ERCC3: variants seen among roughly 807,000 people sequenced by gnomAD.
ERCC3 encodes ERCC excision repair 3, TFIIH core complex helicase subunit.
Under a neutral mutation model 94.2 loss-of-function variants are expected in ERCC3, and 66 were observed. The ratio of observed to expected loss-of-function variants is 0.70; its 90% CI spans 0.57 to 0.86. The LOEUF is 0.86. Ranked by LOEUF, ERCC3 falls within the 40% of genes least tolerant of loss-of-function variation. The pLI is 0.00. For synonymous variants in ERCC3, 349 were observed against 369.1 expected (o/e 0.95, Z 0.63); for missense variants, 829 against 987.1 (o/e 0.84, Z 2.15).
In ERCC3 at chr2:127,257,340, CTTAAATA is replaced by C; in HGVS notation, c.*249_*255del. On this transcript the variant is annotated 3_prime_UTR_variant, in exon 15 of 15. Transcript: ENST00000285398. The surrounding 1 kb of genome is among the most constrained non-coding windows in gnomAD (Gnocchi z 5.4). ...ATTCAGAACGGTAACATAAATACACCTTAAATATTAACATTTTTTATATACAGAAATG... is the reference window on the plus strand; with the variant it reads ...ATTCAGAACGGTAACATAAATACACCTTAACATTTTTTATATACAGAAATG... 1.9e-6 allele frequency: 1 copy of C among 530,822 alleles called. No homozygotes were observed. Among genetic ancestry groups the C allele is most frequent in the South Asian group, 2.1e-5 (1 of 48,698 alleles). The allele number at this position is 530,822 out of a possible 1,614,324, so 32.9% of individuals were successfully genotyped here.
chr2:127,286,652 A>G (rs758641191), intron 8 of ERCC3, 51 bp downstream of exon 8: 1 of 1,572,570 alleles, frequency 6.4e-7, no homozygotes, highest in South Asian at 1.1e-5. Flanking sequence ...TAACAACTGG[A>G]AATTGGTTTG....
Position 127,280,325 on chromosome 2 carries a change from T to G in ERCC3, c.1527+122A>C, listed in dbSNP as rs1684867996. Reference sequence around the variant, plus strand: ...CCACAGGGTGACTGAGGATCCTGTATGAAGTGGTAGCAGGTGAGCCTAAGT... The same window carrying G: ...CCACAGGGTGACTGAGGATCCTGTAGGAAGTGGTAGCAGGTGAGCCTAAGT... On this transcript the variant is annotated intron_variant, in intron 9 of 14. Transcript: ENST00000285398. This position sits in a 1 kb window ranked among gnomAD's most constrained non-coding sequence, Gnocchi z 6.3. 6.9e-6 allele frequency: 6 copies of G among 874,500 alleles called. No homozygotes were observed. The highest frequency in any genetic ancestry group is 9.4e-6 in the Non-Finnish European group (5 of 531,542). The allele number at this position is 874,500 out of a possible 1,614,324, so 54.2% of individuals were successfully genotyped here. A position where few individuals can be genotyped will look rare whatever the true frequency, so the allele number is the denominator to read the frequency against.
chr2:127,274,576 C>T lies in ERCC3; in HGVS notation c.1731-1615G>A, dbSNP rs1684674047. Among the ~76,000 whole-genome samples, 1 of 152,236 alleles carries T rather than the reference C, an allele frequency of 6.6e-6. No homozygotes were observed. Among genetic ancestry groups the T allele is most frequent in the African/African-American group, 2.4e-5 (1 of 41,464 alleles). On this transcript the variant is annotated intron_variant, in intron 10 of 14. Transcript: ENST00000285398. The surrounding 1 kb of genome is among the most constrained non-coding windows in gnomAD (Gnocchi z 4.0). ...GCTGGATAGGGCCTGGGCAGCTGCA[C>T]ACCCAGGCTGATGGCCTCTGATTAG...
rs587778275 is a variant in ERCC3 at position 127,261,296 on chromosome 2, C to T, written c.1996G>A (p.Asp666Asn). ...GTTGAGTAAGCCATTTCCTGTGTGT[C>T]CTGGGATACCAGTGAGTAGAAAAAG... ...NAFFYSLVSQ[D>N]TQEMAYSTKR... Residue 666 changes from aspartate (D) to asparagine (N), a missense_variant, in exon 13 of 15, where the codon GAC becomes AAC. By Grantham distance (23) the Asp-to-Asn change is conservative. Transcript: ENST00000285398. The T allele has an allele frequency of 1.4e-5, 23 of 1,613,648 alleles. No homozygotes were observed. The Admixed American group carries it at 3.8e-4, about 27-fold the overall frequency.
intron 3 of ERCC3, chr2:127,292,331 G>C (rs920768099): frequency 1.9e-6 from 1 of 524,138 alleles, no homozygotes. Context: ...TAGCCCCTCT[G>C]TGTTAATACC....
rs4150461 is a variant in ERCC3 at position 127,279,567 on chromosome 2, G to C, written c.1528-192C>G. 6.6e-6 allele frequency among the ~76,000 whole-genome samples: 1 copy of C among 152,106 alleles called. No homozygotes were observed. Among genetic ancestry groups the C allele is most frequent in the African/African-American group, 2.4e-5 (1 of 41,412 alleles). ...ACTTGAGGCCAGGAGTTCAAGACCAGCCTGGCCAACACAGTGAAACCCAGT... is the reference window on the plus strand; with the variant it reads ...ACTTGAGGCCAGGAGTTCAAGACCACCCTGGCCAACACAGTGAAACCCAGT... On this transcript the variant is annotated intron_variant, in intron 9 of 14. Transcript: ENST00000285398. The surrounding 1 kb of genome is among the most constrained non-coding windows in gnomAD (Gnocchi z 4.7).
chr2:127,283,359 C>T (rs1684975838), intron 8 of ERCC3, among the ~76,000 whole-genome samples: 1 of 152,148 alleles, frequency 6.6e-6, no homozygotes, highest in African/African-American at 2.4e-5. Flanking sequence ...GCTTTTGAGG[C>T]TGACTTCTTT....
At chr2:127,272,213 C>G (rs4150492) in intron 11 of ERCC3, among the ~76,000 whole-genome samples, 27,042 of 151,678 alleles carry the variant, frequency 0.18, 2,920 homozygotes, top group South Asian at 0.34. Flanking sequence ...TTAGTAGAGA[C>G]AGGGTTTCTC....
In ERCC3 at chr2:127,286,332, C is replaced by G. The variant is rs369969425; in HGVS notation, c.1342+371G>C. ...TTGGGAGGATGAGGTGGGTGGATCACGAGGTCAGGAGTTCAAGACCAGCCT... is the reference window on the plus strand; with the variant it reads ...TTGGGAGGATGAGGTGGGTGGATCAGGAGGTCAGGAGTTCAAGACCAGCCT... On this transcript the variant is annotated intron_variant, in intron 8 of 14. Transcript: ENST00000285398. Among the ~76,000 whole-genome samples the G allele has an allele frequency of 7.2e-5, 11 of 151,966 alleles. No homozygotes were observed. In the East Asian group the frequency reaches 1.2e-3, roughly 16 times the overall value.
chr2:127,287,079 C>G (rs924744898), intron 7 of ERCC3, 62 bp from the exon 8 acceptor site: 2 of 1,308,360 alleles, frequency 1.5e-6, no homozygotes, highest in Non-Finnish European at 1.1e-6. Flanking sequence ...CAGGGACAGG[C>G]AGAATGACTC....
chr2:127,277,909 A>T lies in ERCC3; in HGVS notation c.1730+1264T>A, dbSNP rs1174133795. Among the ~76,000 whole-genome samples the T allele has an allele frequency of 6.6e-6, 1 of 152,146 alleles. No individual in the cohort carries two copies. Among genetic ancestry groups the T allele is most frequent in the Non-Finnish European group, 1.5e-5 (1 of 68,036 alleles). On this transcript the variant is annotated intron_variant, in intron 10 of 14. Coordinates refer to ENST00000285398, the MANE Select transcript of ERCC3 (RefSeq NM_000122.2). This position sits in a 1 kb window ranked among gnomAD's most constrained non-coding sequence, Gnocchi z 5.1. ...AGTTAATAGGCAATTTCTATAACTG[A>T]TCATCAAGAAATTACTACATAAGCT...
Position 127,279,414 on chromosome 2 carries a change from T to TA in ERCC3, c.1528-40dup. The TA allele has an allele frequency of 6.9e-7, 1 of 1,451,626 alleles. No homozygotes were observed. The highest frequency in any genetic ancestry group is 1.1e-5 in the South Asian group (1 of 87,942). The allele number at this position is 1,451,626 out of a possible 1,614,324, so 89.9% of individuals were successfully genotyped here. ...AGAACCAGGGGTCATTTTACAAGTT[T>TA]AAACACCACACAATTTAAAACTTTT... On this transcript the variant is annotated intron_variant, in intron 9 of 14. Transcript: ENST00000285398. The surrounding 1 kb of genome is among the most constrained non-coding windows in gnomAD (Gnocchi z 4.7).
chr2:127,259,933 A>G lies in ERCC3; in HGVS notation c.2065-485T>C. 1 of 236,390 alleles carries G rather than the reference A, an allele frequency of 4.2e-6. No homozygotes were observed. The highest frequency in any genetic ancestry group is 8.4e-6 in the Non-Finnish European group (1 of 118,772). The allele number at this position is 236,390 out of a possible 1,614,324, so 14.6% of individuals were successfully genotyped here. A position where few individuals can be genotyped will look rare whatever the true frequency, so the allele number is the denominator to read the frequency against. ...TGATAGGATATCAGGAAGATTATTT[A>G]TAGAGCTTCTCTGAGAGAGTAAGAA... is the stretch of plus-strand genomic sequence containing the variant. On this transcript the variant is annotated intron_variant, in intron 13 of 14. Transcript: ENST00000285398. The surrounding 1 kb of genome is among the most constrained non-coding windows in gnomAD (Gnocchi z 4.9).
At chr2:127,266,115 T>C (rs1381834054) in intron 12 of ERCC3, among the ~76,000 whole-genome samples, 1 of 151,324 alleles carries the variant, frequency 6.6e-6, no homozygotes, top group Non-Finnish European at 1.5e-5. Flanking sequence ...TATTTAGCGA[T>C]GAGGTCTCGC....
At chr2:127,262,216 T>G (rs1221065032) in intron 12 of ERCC3, 1 of 152,188 alleles carries the variant, frequency 6.6e-6, no homozygotes, top group East Asian at 1.9e-4. Context: ...TGCTGCCGGG[T>G]GTGGTGACCC....
chr2:127,292,243 A>G (rs184164443), intron 3 of ERCC3: 1 of 379,440 alleles, frequency 2.6e-6, no homozygotes, highest in East Asian at 6.0e-5. Context: ...TGAGGGGAAC[A>G]CACACAATTC....
Position 127,279,464 on chromosome 2 carries a change from G to A in ERCC3, c.1528-89C>T. The A allele has an allele frequency of 1.9e-6, 2 of 1,059,132 alleles. No homozygotes were observed. The highest frequency in any genetic ancestry group is 1.5e-6 in the Non-Finnish European group (1 of 682,654). The allele number at this position is 1,059,132 out of a possible 1,614,324, so 65.6% of individuals were successfully genotyped here. A position where few individuals can be genotyped will look rare whatever the true frequency, so the allele number is the denominator to read the frequency against. ...TGAAGACCTTTCTCTAGCAGAATTA[G>A]CTTTAAAACAAAACCAGTCAGGTGC... On this transcript the variant is annotated intron_variant, in intron 9 of 14. Coordinates refer to ENST00000285398, the MANE Select transcript of ERCC3 (RefSeq NM_000122.2). The surrounding 1 kb of genome is among the most constrained non-coding windows in gnomAD (Gnocchi z 4.7).
In ERCC3 at chr2:127,257,746, C is replaced by T. The variant is rs754666971; in HGVS notation, c.2218-19G>A. 6 of 1,614,102 alleles carry T rather than the reference C, an allele frequency of 3.7e-6. No individual in the cohort carries two copies. Among genetic ancestry groups the T allele is most frequent in the Admixed American group, 3.3e-5 (2 of 60,016 alleles). ...GAGATGCCTGCCGGGAAGGGGGAAC[C>T]AGCCCATGTTAGTCTCCAGAAGAAA... On this transcript the variant is annotated intron_variant, in intron 14 of 14. Coordinates refer to ENST00000285398, the MANE Select transcript of ERCC3 (RefSeq NM_000122.2). The surrounding 1 kb of genome is among the most constrained non-coding windows in gnomAD (Gnocchi z 5.4).
rs145651981 is a variant in ERCC3 at position 127,285,250 on chromosome 2, C to A, written c.1342+1453G>T. Among the ~76,000 whole-genome samples, 354 of 152,208 alleles carry A rather than the reference C, an allele frequency of 2.3e-3. 1 individual carries two copies. Among genetic ancestry groups the A allele is most frequent in the African/African-American group, 7.7e-3 (321 of 41,540 alleles). On this transcript the variant is annotated intron_variant, in intron 8 of 14. Coordinates refer to ENST00000285398, the MANE Select transcript of ERCC3 (RefSeq NM_000122.2). The stretch of plus-strand genomic sequence containing the variant: ...AACAAAGATTGACTGCAAATGAGTA[C>A]AAAGGAAATCTAAAACTGGATCATG...
Sources: gnomAD v4.1 joint callset for allele counts (sites outside exome capture counted in the v4.1 genomes callset) on GRCh38, gnomAD v4.1.1 for gene constraint, Gnocchi (gnomAD v3.1) non-coding constraint, MANE v1.5 for transcripts, NCBI Gene and HGNC (gene_info 2026-07-23, HGNC 2026-07-21) for gene names.